The following DLG2 variants were observed in gnomAD, a reference collection of about 807,000 sequenced individuals.
DLG2 encodes discs large MAGUK scaffold protein 2.
Under a neutral mutation model 132.5 loss-of-function variants are expected in DLG2, and 45 were observed. The ratio of observed to expected loss-of-function variants is 0.34; its 90% confidence interval spans 0.27 to 0.44. DLG2 has a LOEUF of 0.44. DLG2 is among the 20% of genes least tolerant of loss of function. The pLI is 1.00. For missense variants in DLG2, 1,045 were observed against 1,196.9 expected, an observed-to-expected ratio of 0.87 and a Z score of 1.87; for synonymous variants, 424 against 419.6, an observed-to-expected ratio of 1.01 and a Z score of -0.13.
intron 3 of DLG2, among the ~76,000 whole-genome samples, chr11:85,478,027 G>A (rs1177114572): frequency 1.3e-5 from 2 of 150,480 alleles, no homozygotes; most frequent in African/African-American, 4.9e-5. Context: ...TTTTTTTTAA[G>A]AGACAGCTTT....
At chr11:85,257,594 A>T (rs991570693) in intron 4 of DLG2, among the ~76,000 whole-genome samples, 1 of 152,184 alleles carries the variant, frequency 6.6e-6, no homozygotes, top group African/African-American at 2.4e-5. Flanking sequence ...AAAGGTAAAG[A>T]TGAGGTGGAT....
intron 6 of DLG2, among the ~76,000 whole-genome samples, chr11:84,812,267 T>C (rs1732505725): frequency 6.6e-6 from 1 of 152,150 alleles, no homozygotes; most frequent in South Asian, 2.1e-4. Context: ...ATAAATAAAA[T>C]GTTACTGTAA....
At chr11:85,235,989 C>A (rs919861464) in intron 4 of DLG2, among the ~76,000 whole-genome samples, 1 of 151,552 alleles carries the variant, frequency 6.6e-6, no homozygotes, top group Non-Finnish European at 1.5e-5. Context: ...GCGCATATAT[C>A]GATTACTTGT....
intron 7 of DLG2, among the ~76,000 whole-genome samples, chr11:84,354,184 T>C (rs781618681): frequency 2.0e-5 from 3 of 152,128 alleles, no homozygotes; most frequent in Non-Finnish European, 2.9e-5. Flanking sequence ...GAGTAAAATA[T>C]CATAACATCA....
chr11:84,302,620 G>A (rs1321430402), intron 7 of DLG2, among the ~76,000 whole-genome samples: 1 of 152,024 alleles, frequency 6.6e-6, no homozygotes, highest in Admixed American at 6.5e-5. Flanking sequence ...TTAACTCTAG[G>A]TGGAATTACA....
intron 6 of DLG2, among the ~76,000 whole-genome samples, chr11:84,925,383 T>A (rs888891313): frequency 4.6e-5 from 7 of 152,224 alleles, no homozygotes; most frequent in African/African-American, 9.6e-5. Context: ...TACATTTTTT[T>A]AAAAAGGCCC....
At chr11:84,634,436 C>T (rs1174142461) in intron 6 of DLG2, among the ~76,000 whole-genome samples, 1 of 152,222 alleles carries the variant, frequency 6.6e-6, no homozygotes, top group Non-Finnish European at 1.5e-5. Flanking sequence ...AAACAGACTA[C>T]AACCTACTCT....
intron 3 of DLG2, among the ~76,000 whole-genome samples, chr11:85,519,016 G>A (rs527915327): frequency 6.6e-6 from 1 of 152,292 alleles, no homozygotes; most frequent in South Asian, 2.1e-4. Context: ...AAGACATATG[G>A]AAAGACATAT....
chr11:83,780,868 G>T (rs2094788983), intron 18 of DLG2, among the ~76,000 whole-genome samples: 1 of 152,158 alleles, frequency 6.6e-6, no homozygotes, highest in Non-Finnish European at 1.5e-5. Context: ...ACTTTGCCCA[G>T]TTCTCCAGGT....
intron 3 of DLG2, among the ~76,000 whole-genome samples, chr11:85,493,556 C>A (rs1209337528): frequency 6.6e-6 from 1 of 151,970 alleles, no homozygotes; most frequent in Non-Finnish European, 1.5e-5. Context: ...ATAACAACTA[C>A]TTGGGAGTTG....
rs186418745 is a variant in DLG2, at chr11:83,809,661, G to A, written c.1723-22869C>T. Reference sequence around the variant, plus strand: ...CAACTTTGGGCTTTTGGGTATGTATGTAGCTCAAGGTTTATATCATCTGCA... The same window carrying A: ...CAACTTTGGGCTTTTGGGTATGTATATAGCTCAAGGTTTATATCATCTGCA... On this transcript the variant is annotated intron_variant, in intron 17 of 27. Transcript: ENST00000376104. Among the ~76,000 whole-genome samples, 8 of 152,262 alleles carry A rather than the reference G, an allele frequency of 5.3e-5. No homozygotes were observed. In the East Asian group the frequency reaches 1.5e-3, roughly 29 times the overall value.
At chr11:84,264,026 C>A (rs2097580557) in intron 7 of DLG2, among the ~76,000 whole-genome samples, 1 of 152,070 alleles carries the variant, frequency 6.6e-6, no homozygotes, top group Non-Finnish European at 1.5e-5. Context: ...AAGAATCTCC[C>A]CTCAACCCAT....
intron 18 of DLG2, chr11:83,693,585 A>G (rs997805739): frequency 5.3e-5 from 8 of 152,170 alleles, no homozygotes; most frequent in Admixed American, 2.6e-4. Context: ...AATACAAATT[A>G]AAGATGTGAC....
chr11:84,737,019 A>G (rs1462471507), intron 6 of DLG2, among the ~76,000 whole-genome samples: 2 of 151,960 alleles, frequency 1.3e-5, no homozygotes, highest in African/African-American at 2.4e-5. Context: ...GTTTCTTATC[A>G]TGTTGAAGAA....
chr11:84,630,781 A>C (rs1055298484), intron 6 of DLG2, among the ~76,000 whole-genome samples: 4 of 152,102 alleles, frequency 2.6e-5, no homozygotes, highest in African/African-American at 9.7e-5. Flanking sequence ...CCTTGTAAGG[A>C]AACAGGGAGT....
chr11:84,987,102 C>T (rs1288337233), intron 6 of DLG2, among the ~76,000 whole-genome samples: 4 of 152,130 alleles, frequency 2.6e-5, no homozygotes, highest in African/African-American at 9.7e-5. Context: ...ATCAGTAGCA[C>T]TTCTGTACAC....
intron 3 of DLG2, among the ~76,000 whole-genome samples, chr11:85,591,845 T>G (rs1320589845): frequency 1.3e-5 from 2 of 152,226 alleles, no homozygotes; most frequent in Non-Finnish European, 2.9e-5. Context: ...TGACGAAATT[T>G]TGTTTAATGC....
chr11:84,362,145 T>C (rs934451913), intron 7 of DLG2, among the ~76,000 whole-genome samples: 10 of 152,066 alleles, frequency 6.6e-5, no homozygotes, highest in Admixed American at 4.6e-4. Flanking sequence ...AACTTAAATA[T>C]AAAGATACAG....
Position 84,214,914 on chromosome 11 carries a change from A to T in DLG2, c.573+36324T>A, listed in dbSNP as rs1011228526. Among the ~76,000 whole-genome samples, 17 of 152,342 alleles carry T rather than the reference A, an allele frequency of 1.1e-4. No individual in the cohort carries two copies. In the South Asian group the frequency reaches 2.9e-3, roughly 26 times the overall value. ...GTATAAATATATCCATTTGATGAAG[A>T]TACATTTCAATGCAAGTCTTGAAGA... is the stretch of plus-strand genomic sequence containing the variant. On this transcript the variant is annotated intron_variant, in intron 8 of 27. Coordinates refer to ENST00000376104, the MANE Select transcript of DLG2 (RefSeq NM_001142699.3).
Sources: allele counts gnomAD v4.1 joint callset (sites outside exome capture counted in the v4.1 genomes callset), GRCh38; gene constraint gnomAD v4.1.1; transcripts MANE v1.5; gene names NCBI Gene and HGNC (gene_info 2026-07-23, HGNC 2026-07-21).